KHDC1: variants seen among roughly 807,000 people sequenced by gnomAD.
KHDC1 encodes the protein KH homology domain-containing protein 1.
Under a neutral mutation model 24.7 loss-of-function variants are expected in KHDC1, and 21 were observed. That is an observed-to-expected ratio of 0.85 (90% CI 0.60 to 1.23). KHDC1 has a LOEUF of 1.23. Ranked by LOEUF, KHDC1 falls within the 50% of genes most tolerant of loss-of-function variation. The pLI, the probability that KHDC1 is intolerant of heterozygous loss-of-function variation, is 0.00. For synonymous variants in KHDC1, 98 were observed against 111.7 expected (o/e 0.88, Z 0.77); for missense variants, 274 against 298.5 (o/e 0.92, Z 0.61).
intron 2 of KHDC1, among the ~76,000 whole-genome samples, chr6:73,271,486 C>T (rs1040048515): frequency 9.9e-5 from 15 of 151,366 alleles, no homozygotes; most frequent in Middle Eastern, 3.4e-3. Flanking sequence ...GGATTACAGG[C>T]GTAATCCACC....
Position 73,279,095 on chromosome 6 carries a change from C to T in KHDC1, c.206+12903G>A, listed in dbSNP as rs1279874220. Among the ~76,000 whole-genome samples, 5 of 152,242 alleles carry T rather than the reference C, an allele frequency of 3.3e-5. No individual in the cohort carries two copies. The East Asian group carries it at 9.7e-4, about 29-fold the overall frequency. The stretch of plus-strand genomic sequence containing the variant: ...ATCAACCAGTTAGCCTTAATTAATG[C>T]ATGTGGTATTAATGAATAAAAACCA... On this transcript the variant is annotated intron_variant, in intron 2 of 4. Coordinates refer to ENST00000370384, the Ensembl canonical transcript of KHDC1.
chr6:73,242,677 T>C, intron 2 of KHDC1, 147 bp from the exon 2 acceptor site: 1 of 845,190 alleles, frequency 1.2e-6, no homozygotes, highest in South Asian at 1.9e-5. Flanking sequence ...CCGGTATCTC[T>C]TCCCAAGATA....
At chr6:73,303,857 G>A (rs753283886) in intron 1 of KHDC1, among the ~76,000 whole-genome samples, 1 of 152,166 alleles carries the variant, frequency 6.6e-6, no homozygotes, top group Non-Finnish European at 1.5e-5. Context: ...AAAAAATGGT[G>A]AAATGCAAAT....
intron 2 of KHDC1, among the ~76,000 whole-genome samples, chr6:73,267,840 C>CTTTTTT (rs34782009): frequency 6.7e-6 from 1 of 148,152 alleles, no homozygotes. Context: ...ATTATTCAGC[C>CTTTTTT]TTTTTTTTTT....
At chr6:73,258,107 T>C (rs1252162275) in intron 2 of KHDC1, among the ~76,000 whole-genome samples, 1 of 152,002 alleles carries the variant, frequency 6.6e-6, no homozygotes, top group Non-Finnish European at 1.5e-5. Context: ...ATACAAAAAT[T>C]AGCTGGGCGT....
chr6:73,253,941 A>T (rs1191015357), intron 2 of KHDC1, among the ~76,000 whole-genome samples: 1 of 152,128 alleles, frequency 6.6e-6, no homozygotes, highest in Non-Finnish European at 1.5e-5. Flanking sequence ...AACAACAAAA[A>T]ACAGTAAAAT....
chr6:73,297,041 C>G (rs1249292778), intron 1 of KHDC1, among the ~76,000 whole-genome samples: 2 of 152,068 alleles, frequency 1.3e-5, no homozygotes, highest in Non-Finnish European at 2.9e-5. Context: ...GCTGAGATTA[C>G]AGGCACGTGC....
chr6:73,266,824 C>T (rs1261084693), intron 2 of KHDC1, among the ~76,000 whole-genome samples: 1 of 152,248 alleles, frequency 6.6e-6, no homozygotes, highest in Non-Finnish European at 1.5e-5. Flanking sequence ...AGACAACCCA[C>T]AGAATGAGAA....
At chr6:73,295,183 C>T (rs2150741716) in intron 1 of KHDC1, among the ~76,000 whole-genome samples, 1 of 152,062 alleles carries the variant, frequency 6.6e-6, no homozygotes, top group South Asian at 2.1e-4. Context: ...AAGCTGTTGA[C>T]ACCTCCCCTG....
At chr6:73,306,576 A>C (rs1767966698) in intron 1 of KHDC1, among the ~76,000 whole-genome samples, 1 of 152,184 alleles carries the variant, frequency 6.6e-6, no homozygotes, top group Admixed American at 6.6e-5. Flanking sequence ...TGTGGTTCAC[A>C]AACCAAGGAG....
chr6:73,272,781 GGA>G (rs1450541466), intron 2 of KHDC1, among the ~76,000 whole-genome samples: 11 of 150,236 alleles, frequency 7.3e-5, no homozygotes, highest in South Asian at 2.1e-4. Flanking sequence ...ATCCCGGGGG[GGA>G]AAAGAAAAAA....
intron 2 of KHDC1, among the ~76,000 whole-genome samples, chr6:73,291,803 A>G (rs1767655298): frequency 6.6e-6 from 1 of 152,058 alleles, no homozygotes; most frequent in Non-Finnish European, 1.5e-5. Context: ...TAAACATTGT[A>G]CCTATTGGAT....
At chr6:73,272,643 G>A (rs1767201394) in intron 2 of KHDC1, among the ~76,000 whole-genome samples, 1 of 151,080 alleles carries the variant, frequency 6.6e-6, no homozygotes, top group South Asian at 2.1e-4. Context: ...AGGTTTGGTG[G>A]CGGGTGCCTG....
rs1010281373 is a variant in KHDC1, at chr6:73,262,675, C to A, written c.207-20145G>T. 1.3e-5 allele frequency: 12 copies of A among 922,318 alleles called. No homozygotes were observed. In the East Asian group the frequency reaches 5.9e-4, roughly 45 times the overall value. 57.1% of individuals were successfully genotyped at this position (922,318 alleles called of 1,614,324 possible). A position where few individuals can be genotyped will look rare whatever the true frequency, so the allele number is the denominator to read the frequency against. The stretch of plus-strand genomic sequence containing the variant: ...TCTTTATACTGCTATCTCCTGTTTC[C>A]CCTGTTTTTACACTTCTTTGCAGCT... On this transcript the variant is annotated intron_variant, in intron 2 of 4. Transcript: ENST00000370384.
chr6:73,283,865 G>A (rs535665600), intron 2 of KHDC1, among the ~76,000 whole-genome samples: 1 of 151,792 alleles, frequency 6.6e-6, no homozygotes, highest in Non-Finnish European at 1.5e-5. Context: ...AGTGACCACC[G>A]TGCCTGGCAC....
chr6:73,268,030 T>C (rs1767105432), intron 2 of KHDC1: 1 of 156,614 alleles, frequency 6.4e-6, no homozygotes, highest in Non-Finnish European at 1.4e-5. Context: ...GAGACGGGGT[T>C]TTTCTCCATG....
rs35817463 is a variant in KHDC1, at chr6:73,249,283, G to GA, written c.207-6754dup. 3.3e-4 allele frequency among the ~76,000 whole-genome samples: 50 copies of GA among 149,654 alleles called. No homozygotes were observed. The Middle Eastern group carries it at 0.017, about 52-fold the overall frequency. ...GCGACAGAGTGAAACCCAGTCTCTT[G>GA]AAAAAAAAAATTATATTCAACATTG... On this transcript the variant is annotated intron_variant, in intron 2 of 4. Coordinates refer to ENST00000370384, the Ensembl canonical transcript of KHDC1.
intron 1 of KHDC1, among the ~76,000 whole-genome samples, chr6:73,308,317 G>T (rs984154727): frequency 6.6e-6 from 1 of 151,528 alleles, no homozygotes; most frequent in Non-Finnish European, 1.5e-5. Flanking sequence ...CTCATGATCC[G>T]CCCTCCTCGG....
intron 1 of KHDC1, chr6:73,309,403 T>G (rs943012012): frequency 2.8e-6 from 2 of 725,652 alleles, no homozygotes; most frequent in African/African-American, 3.7e-5. Context: ...ACACCCAGGG[T>G]TTTTTTTAAC....
Sources: allele counts gnomAD v4.1 joint callset (sites outside exome capture counted in the v4.1 genomes callset), GRCh38; gene constraint gnomAD v4.1.1; transcripts MANE v1.5; gene names NCBI Gene and HGNC (gene_info 2026-07-23, HGNC 2026-07-21).